Variants in GALNTL6 observed in about 807,000 individuals in gnomAD.
The protein encoded by GALNTL6 is polypeptide N-acetylgalactosaminyltransferase like 6.
A neutral mutation model predicts 73.7 loss-of-function variants in GALNTL6; 46 were observed. The observed-to-expected ratio is 0.62, with a 90% CI of 0.49 to 0.80. The LOEUF (loss-of-function observed/expected upper bound fraction) is 0.80, where lower values mean the gene tolerates loss of function less well. Among genes scored for constraint, GALNTL6 ranks in the 30% least tolerant of loss-of-function variants. The pLI is 0.00. For missense variants in GALNTL6, 604 were observed against 755.0 expected (o/e 0.80, Z 2.34); for synonymous variants, 259 against 263.7 (o/e 0.98, Z 0.17).
intron 12 of GALNTL6, among the ~76,000 whole-genome samples, chr4:173,023,193 C>A (rs888165497): frequency 9.9e-5 from 15 of 152,106 alleles, no homozygotes; most frequent in Non-Finnish European, 4.4e-5. Context: ...AGAGGGAGGA[C>A]TGGTTATGTT....
intron 2 of GALNTL6, among the ~76,000 whole-genome samples, chr4:172,179,117 C>T (rs575471330): frequency 1.2e-3 from 179 of 146,162 alleles, no homozygotes; most frequent in African/African-American, 4.3e-3. Flanking sequence ...AATAAACATA[C>T]GTGTGCATGT....
chr4:172,116,077 A>C (rs1421345356), intron 2 of GALNTL6, among the ~76,000 whole-genome samples: 1 of 152,098 alleles, frequency 6.6e-6, no homozygotes, highest in African/African-American at 2.4e-5. Context: ...CTACCTAGAG[A>C]GAATATAAAT....
chr4:172,945,035 G>A (rs1164925391), intron 9 of GALNTL6, among the ~76,000 whole-genome samples: 1 of 146,274 alleles, frequency 6.8e-6, no homozygotes, highest in Admixed American at 6.9e-5. Context: ...TCCAGCCTGG[G>A]CAAAAAGAGC....
intron 2 of GALNTL6, among the ~76,000 whole-genome samples, chr4:171,847,128 A>C (rs1735396323): frequency 1.3e-5 from 2 of 151,834 alleles, no homozygotes; most frequent in Non-Finnish European, 2.9e-5. Context: ...TTCTGTGAGT[A>C]ATGAGAATCG....
At chr4:172,806,874 G>C (rs556925376) in intron 5 of GALNTL6, among the ~76,000 whole-genome samples, 2 of 152,154 alleles carry the variant, frequency 1.3e-5, no homozygotes, top group African/African-American at 4.8e-5. Context: ...TTTATAAATT[G>C]ATGATATGGA....
chr4:171,989,405 T>G (rs1740253960), intron 2 of GALNTL6, among the ~76,000 whole-genome samples: 1 of 152,136 alleles, frequency 6.6e-6, no homozygotes, highest in African/African-American at 2.4e-5. Flanking sequence ...TGATTTTCAA[T>G]GGGTTCCTAC....
chr4:172,466,875 T>A (rs1042062214), intron 5 of GALNTL6, among the ~76,000 whole-genome samples: 2 of 152,164 alleles, frequency 1.3e-5, no homozygotes, highest in African/African-American at 4.8e-5. Flanking sequence ...CTTATAGACC[T>A]CCTCTGAAAG....
intron 2 of GALNTL6, among the ~76,000 whole-genome samples, chr4:171,940,974 G>C (rs1326342824): frequency 6.6e-6 from 1 of 151,820 alleles, no homozygotes; most frequent in Non-Finnish European, 1.5e-5. Context: ...GAAAATTAGT[G>C]ATTGATGGGA....
At chr4:172,839,055 TA>T (rs545402263) in intron 7 of GALNTL6, among the ~76,000 whole-genome samples, 3 of 152,300 alleles carry the variant, frequency 2.0e-5, no homozygotes, top group African/African-American at 7.2e-5. Context: ...CAGGTTGTCA[TA>T]ACAGCCAGAG....
intron 10 of GALNTL6, among the ~76,000 whole-genome samples, chr4:172,965,411 G>A (rs1012207728): frequency 9.9e-5 from 15 of 151,798 alleles, no homozygotes; most frequent in Non-Finnish European, 1.6e-4. Flanking sequence ...GTGAAACCCC[G>A]TCTCTACTAA....
At chr4:172,166,254 T>A (rs766587748) in intron 2 of GALNTL6, among the ~76,000 whole-genome samples, 102 of 152,102 alleles carry the variant, frequency 6.7e-4, no homozygotes, top group Middle Eastern at 3.4e-3. Context: ...GTGAGGAGTT[T>A]GAGACATGGT....
intron 7 of GALNTL6, among the ~76,000 whole-genome samples, chr4:172,871,250 T>C (rs1173827668): frequency 6.6e-6 from 1 of 152,152 alleles, no homozygotes; most frequent in African/African-American, 2.4e-5. Flanking sequence ...ATAAAGCTTT[T>C]ATTTTATTTC....
chr4:171,915,336 C>T (rs1578968268), intron 2 of GALNTL6, among the ~76,000 whole-genome samples: 2 of 152,224 alleles, frequency 1.3e-5, no homozygotes, highest in Admixed American at 1.3e-4. Flanking sequence ...CTTCTGATTA[C>T]CCTCATTCAT....
chr4:171,907,671 G>A (rs1215579526), intron 2 of GALNTL6, among the ~76,000 whole-genome samples: 3 of 151,458 alleles, frequency 2.0e-5, no homozygotes, highest in African/African-American at 7.4e-5. Flanking sequence ...AACCAAAAAA[G>A]AGCCCACATC....
intron 9 of GALNTL6, among the ~76,000 whole-genome samples, chr4:172,941,001 T>C (rs1212339605): frequency 6.6e-6 from 1 of 152,214 alleles, no homozygotes; most frequent in South Asian, 2.1e-4. Context: ...AAATTTAGTT[T>C]CTTCCAACTT....
At chr4:172,975,296 G>A (rs1213222904) in intron 10 of GALNTL6, among the ~76,000 whole-genome samples, 1 of 152,148 alleles carries the variant, frequency 6.6e-6, no homozygotes, top group Non-Finnish European at 1.5e-5. Context: ...TAGTGGAGAG[G>A]AGACCCAGAG....
At chr4:172,434,279 G>C (rs1343013075) in intron 5 of GALNTL6, among the ~76,000 whole-genome samples, 1 of 152,014 alleles carries the variant, frequency 6.6e-6, no homozygotes, top group Non-Finnish European at 1.5e-5. Context: ...ACTCTTAGAA[G>C]TATTCCATTC....
intron 3 of GALNTL6, among the ~76,000 whole-genome samples, chr4:172,300,736 T>A (rs578185189): frequency 7.2e-5 from 11 of 152,206 alleles, no homozygotes; most frequent in Admixed American, 5.9e-4. Flanking sequence ...TGCCGAGATA[T>A]CAGCTGTTAG....
chr4:172,549,507 A>G (rs958794445), intron 5 of GALNTL6, among the ~76,000 whole-genome samples: 4 of 152,094 alleles, frequency 2.6e-5, no homozygotes, highest in Non-Finnish European at 4.4e-5. Flanking sequence ...TACAATTTAA[A>G]AGTGTTTAAT....
Sources: gnomAD v4.1 joint callset for allele counts (sites outside exome capture counted in the v4.1 genomes callset) on GRCh38, gnomAD v4.1.1 for gene constraint, MANE v1.5 for transcripts, NCBI Gene and HGNC (gene_info 2026-07-23, HGNC 2026-07-21) for gene names.